The following PPP2R2B variants were observed in gnomAD, a reference collection of about 807,000 sequenced individuals.
PPP2R2B encodes the protein serine/threonine-protein phosphatase 2A 55 kDa regulatory subunit B beta isoform.
PPP2R2B carries 5 observed loss-of-function variants against 46.0 expected under a neutral mutation model. That is an observed-to-expected ratio of 0.11 (90% CI 0.06 to 0.23). PPP2R2B has a LOEUF of 0.23. PPP2R2B is among the 10% of genes least tolerant of loss of function. PPP2R2B has a pLI of 1.00. For synonymous variants in PPP2R2B, 215 were observed against 206.7 expected, an observed-to-expected ratio of 1.04 and a Z score of -0.34; for missense variants, 367 against 575.0, an observed-to-expected ratio of 0.64 and a Z score of 3.70.
At chr5:146,854,285 C>A (rs77018076) in intron 2 of PPP2R2B, among the ~76,000 whole-genome samples, 1,761 of 152,028 alleles carry the variant, frequency 0.012, 37 homozygotes, top group African/African-American at 0.041. Context: ...AAATTCAAGG[C>A]AATTTTTAAA....
At chr5:146,719,133 T>C (rs996321259) in intron 2 of PPP2R2B, among the ~76,000 whole-genome samples, 6 of 152,222 alleles carry the variant, frequency 3.9e-5, no homozygotes, top group Admixed American at 2.0e-4. Context: ...AGCAGTCTTG[T>C]AATCCCAGGT....
At chr5:146,916,460 C>T (rs1763388866) in intron 1 of PPP2R2B, among the ~76,000 whole-genome samples, 1 of 152,118 alleles carries the variant, frequency 6.6e-6, no homozygotes, top group Non-Finnish European at 1.5e-5. Flanking sequence ...GTCTTGGTTG[C>T]TATTGTACTC....
intron 1 of PPP2R2B, among the ~76,000 whole-genome samples, chr5:146,974,311 C>T (rs1262152358): frequency 6.6e-6 from 1 of 152,060 alleles, no homozygotes; most frequent in African/African-American, 2.4e-5. Flanking sequence ...ATTTATATAG[C>T]CTTTAAAACC....
At chr5:146,810,846 T>G (rs1582159324) in intron 2 of PPP2R2B, among the ~76,000 whole-genome samples, 1 of 151,978 alleles carries the variant, frequency 6.6e-6, no homozygotes, top group Admixed American at 6.5e-5. Flanking sequence ...TTACATTAGG[T>G]ATATCTCCTA....
At chr5:146,732,668 A>G (rs894939476) in intron 2 of PPP2R2B, among the ~76,000 whole-genome samples, 4 of 152,236 alleles carry the variant, frequency 2.6e-5, no homozygotes, top group Non-Finnish European at 5.9e-5. Context: ...TACAACATCA[A>G]TAAAATTTAT....
chr5:146,859,380 G>A (rs377287876), intron 2 of PPP2R2B, among the ~76,000 whole-genome samples: 51 of 152,256 alleles, frequency 3.3e-4, no homozygotes, highest in African/African-American at 1.2e-3. Flanking sequence ...TGGAGAAGTT[G>A]GTTTATTGAA....
At chr5:146,848,657 C>T (rs1157357485) in intron 2 of PPP2R2B, among the ~76,000 whole-genome samples, 1 of 152,128 alleles carries the variant, frequency 6.6e-6, no homozygotes, top group Non-Finnish European at 1.5e-5. Flanking sequence ...GATCACCTGG[C>T]TGAAGAAATG....
At chr5:147,067,913 A>G (rs937006539) in intron 2 of PPP2R2B, among the ~76,000 whole-genome samples, 1 of 152,190 alleles carries the variant, frequency 6.6e-6, no homozygotes, top group African/African-American at 2.4e-5. Flanking sequence ...TTGCTCTGAC[A>G]TCGTGTCTGT....
chr5:146,908,925 C>T (rs901278330), intron 1 of PPP2R2B, among the ~76,000 whole-genome samples: 8 of 152,104 alleles, frequency 5.3e-5, no homozygotes, highest in Admixed American at 2.0e-4. Flanking sequence ...AGTTGCCTCC[C>T]GAGTAGCTGG....
intron 1 of PPP2R2B, among the ~76,000 whole-genome samples, chr5:146,886,641 A>C (rs1762338034): frequency 6.6e-6 from 1 of 152,072 alleles, no homozygotes; most frequent in African/African-American, 2.4e-5. Context: ...TGTTCAAAAA[A>C]TCATAAACCA....
intron 1 of PPP2R2B, among the ~76,000 whole-genome samples, chr5:146,897,690 T>G: frequency 6.6e-6 from 1 of 152,112 alleles, no homozygotes; most frequent in East Asian, 1.9e-4. Context: ...AGGGATACTT[T>G]TAGGGCCAGA....
rs182506466 is a variant in PPP2R2B, at chr5:146,990,471, A to G, written c.79+65194T>C. 7.2e-5 allele frequency among the ~76,000 whole-genome samples: 11 copies of G among 152,246 alleles called. No homozygotes were observed. The East Asian group carries it at 1.9e-3, about 27-fold the overall frequency. On this transcript the variant is annotated intron_variant, in intron 1 of 8. Transcript: ENST00000336640. ...AAAGGTGGCAAGAATGCACACTGAG[A>G]AAAAACAGTCCCAATAAATGGTGGT...
chr5:146,661,316 C>A (rs1215910068), intron 5 of PPP2R2B, among the ~76,000 whole-genome samples: 1 of 152,144 alleles, frequency 6.6e-6, no homozygotes, highest in Non-Finnish European at 1.5e-5. Context: ...TAAGGACACT[C>A]TCCTGGAACA....
At chr5:146,924,085 G>A (rs1490138678) in intron 1 of PPP2R2B, among the ~76,000 whole-genome samples, 1 of 152,158 alleles carries the variant, frequency 6.6e-6, no homozygotes, top group African/African-American at 2.4e-5. Flanking sequence ...ATGAAGGGTG[G>A]AAGGAGGGAG....
At chr5:147,062,870 A>G (rs1344083201) in intron 2 of PPP2R2B, among the ~76,000 whole-genome samples, 4 of 151,142 alleles carry the variant, frequency 2.6e-5, no homozygotes, top group Admixed American at 1.3e-4. Context: ...GCCTCCAGAG[A>G]TCCAATATGT....
chr5:146,668,000 T>C (rs535750195), intron 5 of PPP2R2B, among the ~76,000 whole-genome samples: 18 of 152,300 alleles, frequency 1.2e-4, no homozygotes, highest in African/African-American at 4.3e-4. Flanking sequence ...CCCATATTCG[T>C]AATCACATCC....
intron 2 of PPP2R2B, among the ~76,000 whole-genome samples, chr5:147,071,239 G>T (rs1757585338): frequency 6.6e-6 from 1 of 152,156 alleles, no homozygotes; most frequent in South Asian, 2.1e-4. Context: ...TCTATGCTGT[G>T]CTTCACCTAG....
chr5:146,888,086 G>A (rs749619331), intron 1 of PPP2R2B, among the ~76,000 whole-genome samples: 1 of 152,008 alleles, frequency 6.6e-6, no homozygotes, highest in Non-Finnish European at 1.5e-5. Context: ...ACACTCCTCA[G>A]GCTCACTTGG....
intron 1 of PPP2R2B, among the ~76,000 whole-genome samples, chr5:147,009,170 C>T (rs986865233): frequency 6.6e-6 from 1 of 152,120 alleles, no homozygotes; most frequent in Non-Finnish European, 1.5e-5. Context: ...AACTGGTGAG[C>T]TTTCATCATG....
Sources: gnomAD v4.1 joint callset for allele counts (sites outside exome capture counted in the v4.1 genomes callset) on GRCh38, gnomAD v4.1.1 for gene constraint, MANE v1.5 for transcripts, NCBI Gene and HGNC (gene_info 2026-07-23, HGNC 2026-07-21) for gene names.